Variants in SLC38A12 observed in about 807,000 individuals in gnomAD.
SLC38A12 encodes solute carrier family 38 member 12.
At chr17:74,779,035 G>A in the SLC38A12 span, among the ~76,000 whole-genome samples, 1 of 152,162 alleles carries the variant, frequency 6.6e-6, no homozygotes, top group Admixed American at 6.5e-5. Flanking sequence ...GTGGAATTAT[G>A]TAACAGCTCC....
the SLC38A12 span, chr17:74,838,918 A>C: frequency 6.5e-7 from 1 of 1,535,764 alleles, no homozygotes; most frequent in Non-Finnish European, 8.7e-7. Context: ...TGGGAAGAGC[A>C]GAAGAGGATG....
the SLC38A12 span, among the ~76,000 whole-genome samples, chr17:74,803,099 C>T: frequency 3.9e-5 from 6 of 152,168 alleles, no homozygotes; most frequent in African/African-American, 7.2e-5. Context: ...TTACTTGTTA[C>T]AAAGTGATTC....
At chr17:74,783,935 G>C in the SLC38A12 span, among the ~76,000 whole-genome samples, 58 of 151,372 alleles carry the variant, frequency 3.8e-4, no homozygotes, top group Non-Finnish European at 8.1e-4. Context: ...CACCATGTTG[G>C]ACAGGCTGGT....
the SLC38A12 span, among the ~76,000 whole-genome samples, chr17:74,809,847 T>G: frequency 1.2e-4 from 19 of 152,220 alleles, no homozygotes; most frequent in Non-Finnish European, 7.3e-5. Flanking sequence ...TTTTCACAAG[T>G]ATCTGAGCAG....
chr17:74,796,519 C>G, the SLC38A12 span, among the ~76,000 whole-genome samples: 1 of 152,200 alleles, frequency 6.6e-6, no homozygotes, highest in Non-Finnish European at 1.5e-5. Flanking sequence ...CTATTTGGGG[C>G]TGGATTTCTT....
the SLC38A12 span, among the ~76,000 whole-genome samples, chr17:74,818,916 C>G: frequency 6.6e-6 from 1 of 152,334 alleles, no homozygotes; most frequent in Admixed American, 6.5e-5. Context: ...GTCACATTTA[C>G]CCCCATTTTC....
chr17:74,836,183 C>G, the SLC38A12 span: 5 of 1,613,006 alleles, frequency 3.1e-6, no homozygotes, highest in Non-Finnish European at 4.2e-6. This position sits in a 1 kb window ranked among gnomAD's most constrained non-coding sequence, Gnocchi z 4.2. Flanking sequence ...TCTTCTGCTT[C>G]CGCGGCGACA....
the SLC38A12 span, among the ~76,000 whole-genome samples, chr17:74,807,180 G>T: frequency 5.4e-5 from 8 of 147,300 alleles, no homozygotes; most frequent in Admixed American, 3.5e-4. Context: ...ACGTGCCTGT[G>T]CCTTGCTTTG....
At chr17:74,818,410 T>G in the SLC38A12 span, among the ~76,000 whole-genome samples, 5 of 152,136 alleles carry the variant, frequency 3.3e-5, no homozygotes, top group Admixed American at 2.0e-4. Flanking sequence ...TTAGAGCCTT[T>G]CCTTAAGCGG....
the SLC38A12 span, chr17:74,795,653 G>T: frequency 6.3e-7 from 1 of 1,595,222 alleles, no homozygotes; most frequent in Non-Finnish European, 8.6e-7. Context: ...GTGCCTCTGT[G>T]CCGCCTGCCC....
At chr17:74,794,209 G>C in the SLC38A12 span, among the ~76,000 whole-genome samples, 1 of 152,244 alleles carries the variant, frequency 6.6e-6, no homozygotes, top group African/African-American at 2.4e-5. Context: ...CACCCTTACG[G>C]GTTTGGAGAC....
chr17:74,776,951 A>G, the SLC38A12 span, among the ~76,000 whole-genome samples: 36 of 152,246 alleles, frequency 2.4e-4, no homozygotes, highest in African/African-American at 8.7e-4. Context: ...CAGAGCGTGG[A>G]AAGGGGGCTC....
the SLC38A12 span, among the ~76,000 whole-genome samples, chr17:74,824,749 G>A: frequency 7.2e-5 from 11 of 152,262 alleles, no homozygotes; most frequent in South Asian, 2.3e-3. Flanking sequence ...CCTCAAAGTG[G>A]GTCAGACACC....
chr17:74,787,644 GA>G, the SLC38A12 span, among the ~76,000 whole-genome samples: 3 of 133,640 alleles, frequency 2.2e-5, no homozygotes, highest in African/African-American at 8.3e-5. Context: ...AAAAAAAAAA[GA>G]AAGCAGGAGA....
the SLC38A12 span, chr17:74,790,962 G>T: frequency 4.8e-5 from 78 of 1,613,910 alleles, no homozygotes; most frequent in Non-Finnish European, 6.1e-5. Context: ...GCAGAGAGAC[G>T]TGGATCTCCC....
the SLC38A12 span, among the ~76,000 whole-genome samples, chr17:74,805,418 A>T: frequency 2.0e-5 from 3 of 152,108 alleles, no homozygotes; most frequent in African/African-American, 7.2e-5. The surrounding 1 kb of genome is among the most constrained non-coding windows in gnomAD (Gnocchi z 5.0). Flanking sequence ...GTGGTGCTCT[A>T]GGCTTCCCCT....
the SLC38A12 span, chr17:74,838,762 G>A: frequency 2.7e-6 from 4 of 1,469,264 alleles, no homozygotes; most frequent in Non-Finnish European, 3.6e-6. Context: ...GCCAGGGGCA[G>A]AGAACCCCAA....
the SLC38A12 span, among the ~76,000 whole-genome samples, chr17:74,833,115 C>T: frequency 4.6e-5 from 7 of 152,172 alleles, no homozygotes; most frequent in Non-Finnish European, 2.9e-5. Flanking sequence ...CCTCTGCCTC[C>T]CAGGTTCAAG....
chr17:74,801,317 C>T, the SLC38A12 span, among the ~76,000 whole-genome samples: 1 of 152,246 alleles, frequency 6.6e-6, no homozygotes, highest in Non-Finnish European at 1.5e-5. Context: ...GGTGGCACCG[C>T]AGGTGCACTG....
Sources: gnomAD v4.1 joint callset for allele counts (sites outside exome capture counted in the v4.1 genomes callset) on GRCh38, gnomAD v4.1.1 for gene constraint, Gnocchi (gnomAD v3.1) non-coding constraint, MANE v1.5 for transcripts, NCBI Gene and HGNC (gene_info 2026-07-23, HGNC 2026-07-21) for gene names.